NEBL: variants seen among roughly 807,000 people sequenced by gnomAD.
NEBL encodes nebulette.
NEBL carries 122 observed loss-of-function variants against 140.2 expected under a neutral mutation model. The ratio of observed to expected loss-of-function variants is 0.87; its 90% CI spans 0.75 to 1.01. The LOEUF (loss-of-function observed/expected upper bound fraction) is 1.01. NEBL is among the 50% of genes least tolerant of loss of function. The probability of loss-of-function intolerance (pLI) is 0.00; values close to 1 mark genes in which losing one functional copy is unlikely to be tolerated. For synonymous variants in NEBL, 436 were observed against 398.9 expected (o/e 1.09, Z -1.11); for missense variants, 1,365 against 1,231.3 (o/e 1.11, Z -1.62).
intron 1 of NEBL, among the ~76,000 whole-genome samples, chr10:21,282,562 T>A (rs1270723441): frequency 1.3e-5 from 2 of 152,182 alleles, no homozygotes; most frequent in African/African-American, 4.8e-5. Context: ...GACAGAAAGT[T>A]CAGCTGGAGC....
At chr10:21,228,556 A>G (rs1564546212) in intron 3 of NEBL, among the ~76,000 whole-genome samples, 1 of 152,182 alleles carries the variant, frequency 6.6e-6, no homozygotes, top group Non-Finnish European at 1.5e-5. Flanking sequence ...CTCTCTAAAG[A>G]CAGGTAAAGA....
At chr10:21,084,598 A>C (rs1003336047) in intron 2 of NEBL, among the ~76,000 whole-genome samples, 10 of 151,310 alleles carry the variant, frequency 6.6e-5, no homozygotes, top group African/African-American at 1.7e-4. Context: ...CTCTGTCCCA[A>C]AAAAAAAATA....
rs1385026782 is a variant in NEBL at position 20,785,867 on chromosome 10, A to G, written c.2925T>C (p.Phe975=). The G allele has an allele frequency of 2.5e-6, 4 of 1,614,030 alleles. No individual in the cohort carries two copies. Among genetic ancestry groups the G allele is most frequent in the Non-Finnish European group, 3.4e-6 (4 of 1,179,940 alleles). ...CGTTGACGATGTAGTCGCCGTCTCT[A>G]AAGGAGACCTCGTCTTCATCCTGGG... ...YSAQDEDEVS[F]RDGDYIVNVQ... The change falls in exon 28 of 28, where the codon TTT becomes TTC. Residue 975 remains phenylalanine (F), a synonymous_variant. Transcript: ENST00000377122.
At chr10:21,033,089 G>A (rs1228979538) in intron 2 of NEBL, among the ~76,000 whole-genome samples, 1 of 152,142 alleles carries the variant, frequency 6.6e-6, no homozygotes, top group Non-Finnish European at 1.5e-5. Context: ...TGCTGTTGCT[G>A]ATATTGATCA....
chr10:20,789,100 G>A (rs1835693842), intron 26 of NEBL, among the ~76,000 whole-genome samples: 1 of 152,076 alleles, frequency 6.6e-6, no homozygotes, highest in Non-Finnish European at 1.5e-5. Context: ...TGGGCACCTG[G>A]CCTTTTACCC....
chr10:20,880,038 G>C (rs987054291), intron 5 of NEBL, among the ~76,000 whole-genome samples: 1 of 152,164 alleles, frequency 6.6e-6, no homozygotes, highest in Non-Finnish European at 1.5e-5. Flanking sequence ...ATGGGTCTTA[G>C]GTTGGACCAT....
intron 2 of NEBL, among the ~76,000 whole-genome samples, chr10:21,052,689 A>G (rs491386): frequency 0.58 from 88,370 of 152,034 alleles, 25,787 homozygotes; most frequent in Non-Finnish European, 0.61. Flanking sequence ...TGAAATCACC[A>G]ACACTCAGGA....
chr10:21,124,484 G>A (rs1033669263), intron 2 of NEBL, among the ~76,000 whole-genome samples: 2 of 152,132 alleles, frequency 1.3e-5, no homozygotes, highest in Non-Finnish European at 2.9e-5. Flanking sequence ...TCCCTGAGCT[G>A]TCTAAAGACC....
intron 2 of NEBL, among the ~76,000 whole-genome samples, chr10:21,074,483 CTTTTT>C (rs11345784): frequency 7.0e-6 from 1 of 142,474 alleles, no homozygotes; most frequent in African/African-American, 2.6e-5. Context: ...GAATTTTTTT[CTTTTT>C]TTTTTTTTTG....
intron 4 of NEBL, among the ~76,000 whole-genome samples, chr10:20,918,341 G>A (rs1305730762): frequency 1.3e-5 from 2 of 152,036 alleles, no homozygotes; most frequent in Non-Finnish European, 2.9e-5. Flanking sequence ...CTGGGTAACA[G>A]AGCAAGACTC....
At chr10:20,819,312 GT>G in intron 20 of NEBL, 111 bp downstream of exon 20, 2 of 1,542,138 alleles carry the variant, frequency 1.3e-6, no homozygotes, top group East Asian at 4.6e-5. Context: ...GCAGTATTTG[GT>G]TTTACGTTCC....
chr10:20,879,155 C>G (rs984867408), intron 5 of NEBL, among the ~76,000 whole-genome samples: 4 of 152,242 alleles, frequency 2.6e-5, no homozygotes, highest in Non-Finnish European at 5.9e-5. Context: ...CATTTAAAAC[C>G]TTGACTAATT....
chr10:21,176,427 G>C (rs1841301806), upstream of NEBL, among the ~76,000 whole-genome samples: 1 of 152,162 alleles, frequency 6.6e-6, no homozygotes, highest in African/African-American at 2.4e-5. Context: ...AGCGATACAT[G>C]CTCAGAGTTA....
chr10:20,987,965 T>A (rs543612408), intron 3 of NEBL, among the ~76,000 whole-genome samples: 1 of 152,308 alleles, frequency 6.6e-6, no homozygotes, highest in Admixed American at 6.5e-5. Context: ...TACTTCCTTA[T>A]GAGATGATAT....
intron 2 of NEBL, among the ~76,000 whole-genome samples, chr10:21,092,366 C>T (rs972446052): frequency 2.0e-5 from 3 of 152,132 alleles, no homozygotes; most frequent in African/African-American, 2.4e-5. Flanking sequence ...AGTTAGATTG[C>T]TCTAATACCA....
intron 2 of NEBL, among the ~76,000 whole-genome samples, chr10:21,063,884 CAAAT>C (rs1169384513): frequency 8.1e-6 from 1 of 123,238 alleles, no homozygotes; most frequent in African/African-American, 2.6e-5. Context: ...AATAAATAAA[CAAAT>C]AAATAAATAT....
intron 3 of NEBL, among the ~76,000 whole-genome samples, chr10:20,980,736 A>G (rs1208329627): frequency 6.6e-6 from 1 of 152,232 alleles, no homozygotes. Flanking sequence ...GTTGATCACT[A>G]TCCTAGCTCC....
At chr10:21,284,957 G>A (rs182996045) in intron 1 of NEBL, among the ~76,000 whole-genome samples, 97 of 152,236 alleles carry the variant, frequency 6.4e-4, no homozygotes, top group Admixed American at 4.8e-3. Flanking sequence ...CCAGCTACTT[G>A]GAAGACTGAG....
At chr10:21,126,039 C>T in intron 2 of NEBL, 1 of 1,614,212 alleles carries the variant, frequency 6.2e-7, no homozygotes. Flanking sequence ...CAAGCGTTGG[C>T]CAGCTTTGCA....
Sources: allele counts gnomAD v4.1 joint callset (sites outside exome capture counted in the v4.1 genomes callset), GRCh38; gene constraint gnomAD v4.1.1; transcripts MANE v1.5; gene names NCBI Gene and HGNC (gene_info 2026-07-23, HGNC 2026-07-21).